SGCZ: variants seen among roughly 807,000 people sequenced by gnomAD.
The protein encoded by SGCZ is zeta-sarcoglycan.
SGCZ carries 40 observed loss-of-function variants against 41.3 expected under a neutral mutation model. The observed-to-expected ratio is 0.97, with a 90% CI of 0.75 to 1.26. The LOEUF is 1.26. SGCZ is among the 50% of genes most tolerant of loss of function. The pLI is 0.00. For missense variants in SGCZ, 552 were observed against 369.8 expected, an observed-to-expected ratio of 1.49 and a Z score of -4.04; for synonymous variants, 206 against 137.5, an observed-to-expected ratio of 1.50 and a Z score of -3.49.
chr8:15,078,705 G>A (rs1805635480), intron 1 of SGCZ, among the ~76,000 whole-genome samples: 1 of 150,268 alleles, frequency 6.7e-6, no homozygotes, highest in African/African-American at 2.5e-5. Context: ...GTGTGTGCAT[G>A]TGTGTGTATA....
intron 2 of SGCZ, among the ~76,000 whole-genome samples, chr8:14,425,794 C>G (rs1799765187): frequency 1.3e-5 from 2 of 151,962 alleles, no homozygotes; most frequent in African/African-American, 2.4e-5. Flanking sequence ...GTGGTACAGA[C>G]TATAATCCCA....
At chr8:14,827,200 T>C (rs1802360158) in intron 1 of SGCZ, among the ~76,000 whole-genome samples, 1 of 151,456 alleles carries the variant, frequency 6.6e-6, no homozygotes, top group South Asian at 2.1e-4. Context: ...CCAAGGATTG[T>C]TAAGTCTCTG....
At chr8:15,082,838 T>C (rs1304055185) in intron 1 of SGCZ, among the ~76,000 whole-genome samples, 1 of 152,186 alleles carries the variant, frequency 6.6e-6, no homozygotes, top group African/African-American at 2.4e-5. Flanking sequence ...CTTCCTGTCA[T>C]ATCTAAAAAT....
intron 2 of SGCZ, chr8:14,487,633 A>G (rs1163217065): frequency 6.6e-6 from 1 of 152,286 alleles, no homozygotes; most frequent in East Asian, 1.9e-4. Context: ...AACCTATAAT[A>G]TTGCTGAATC....
At chr8:14,698,097 T>C (rs1430471530) in intron 1 of SGCZ, among the ~76,000 whole-genome samples, 1 of 152,050 alleles carries the variant, frequency 6.6e-6, no homozygotes, top group Admixed American at 6.6e-5. Flanking sequence ...TCGTATTTAA[T>C]AACTACTCAC....
intron 1 of SGCZ, among the ~76,000 whole-genome samples, chr8:14,625,287 C>A (rs971249314): frequency 1.3e-5 from 2 of 152,106 alleles, no homozygotes; most frequent in African/African-American, 4.8e-5. Flanking sequence ...TTACTGTTTT[C>A]TTTCCATGGA....
chr8:15,021,013 T>G (rs1803229221), intron 1 of SGCZ, among the ~76,000 whole-genome samples: 2 of 152,226 alleles, frequency 1.3e-5, no homozygotes, highest in South Asian at 4.1e-4. Flanking sequence ...GAGACATTTA[T>G]GTACAGAAAC....
intron 2 of SGCZ, among the ~76,000 whole-genome samples, chr8:14,548,289 G>C (rs1563401927): frequency 6.6e-6 from 1 of 152,060 alleles, no homozygotes; most frequent in Non-Finnish European, 1.5e-5. Flanking sequence ...AGTTGGAGAT[G>C]GTTTTAGCAG....
chr8:14,905,996 T>C (rs188420637), intron 1 of SGCZ, among the ~76,000 whole-genome samples: 1 of 152,020 alleles, frequency 6.6e-6, no homozygotes, highest in Non-Finnish European at 1.5e-5. Flanking sequence ...AAATATTTTT[T>C]AAAAAAATTA....
rs2250973 is a variant in SGCZ at position 14,811,982 on chromosome 8, G to C, written c.40-257056C>G. On this transcript the variant is annotated intron_variant, in intron 1 of 7. Coordinates refer to ENST00000382080, the MANE Select transcript of SGCZ (RefSeq NM_139167.4). ...GAGTTCTCATCTGTACCCTGAGAAT[G>C]ATATGCAACTCAGGAATGGGTATGG... 5.3e-3 allele frequency among the ~76,000 whole-genome samples: 803 copies of C among 152,078 alleles called. 15 individuals are homozygous for C. Among genetic ancestry groups the C allele is most frequent in the African/African-American group, 0.018 (748 of 41,532 alleles).
intron 3 of SGCZ, among the ~76,000 whole-genome samples, chr8:14,251,215 G>A (rs889284648): frequency 1.3e-5 from 2 of 152,038 alleles, no homozygotes; most frequent in Admixed American, 1.3e-4. Context: ...GCAACAGAGC[G>A]AGACTCTATC....
intron 2 of SGCZ, among the ~76,000 whole-genome samples, chr8:14,432,240 A>T (rs2117339774): frequency 6.6e-6 from 1 of 152,356 alleles, no homozygotes; most frequent in East Asian, 1.9e-4. Context: ...AGATGTTTAT[A>T]GTAGCACAAT....
intron 1 of SGCZ, among the ~76,000 whole-genome samples, chr8:14,691,506 G>A (rs79325284): frequency 0.011 from 1,745 of 152,046 alleles, 18 homozygotes; most frequent in Non-Finnish European, 0.019. Context: ...TTATATGATT[G>A]TAAAAGATCA....
At chr8:15,115,620 C>T (rs1807240047) in intron 1 of SGCZ, among the ~76,000 whole-genome samples, 2 of 152,170 alleles carry the variant, frequency 1.3e-5, no homozygotes, top group Non-Finnish European at 2.9e-5. Context: ...TAGAGAGATA[C>T]ATGCAACGGT....
intron 1 of SGCZ, among the ~76,000 whole-genome samples, chr8:14,826,028 G>C (rs1044043014): frequency 6.6e-6 from 1 of 151,596 alleles, no homozygotes; most frequent in Non-Finnish European, 1.5e-5. Context: ...ATGTTGGTGT[G>C]CTGCACCCAT....
chr8:14,149,001 A>C (rs1280972289), intron 5 of SGCZ, among the ~76,000 whole-genome samples: 1 of 152,052 alleles, frequency 6.6e-6, no homozygotes, highest in African/African-American at 2.4e-5. Flanking sequence ...CATGATAAAA[A>C]CCCCCAAAAA....
At chr8:15,033,428 C>G (rs75334471) in intron 1 of SGCZ, among the ~76,000 whole-genome samples, 24,433 of 151,516 alleles carry the variant, frequency 0.16, 2,209 homozygotes, top group South Asian at 0.27. Context: ...CATGCCTATT[C>G]CAGAACCAGT....
intron 1 of SGCZ, among the ~76,000 whole-genome samples, chr8:14,709,240 G>C (rs1353979246): frequency 6.6e-6 from 1 of 152,134 alleles, no homozygotes; most frequent in South Asian, 2.1e-4. Flanking sequence ...CATCTAGCTT[G>C]TATCAAATTC....
intron 1 of SGCZ, among the ~76,000 whole-genome samples, chr8:14,568,125 A>T (rs1033839077): frequency 6.6e-6 from 1 of 152,166 alleles, no homozygotes; most frequent in Non-Finnish European, 1.5e-5. Context: ...TCAGCAAACT[A>T]TCACAGGAAC....
Sources: allele counts gnomAD v4.1 joint callset (sites outside exome capture counted in the v4.1 genomes callset), GRCh38; gene constraint gnomAD v4.1.1; transcripts MANE v1.5; gene names NCBI Gene and HGNC (gene_info 2026-07-23, HGNC 2026-07-21).